The following RAPGEF6 variants were observed in gnomAD, a reference collection of about 807,000 sequenced individuals.
RAPGEF6 encodes Rap guanine nucleotide exchange factor 6.
A neutral mutation model predicts 171.4 loss-of-function variants in RAPGEF6; 56 were observed. The observed-to-expected ratio is 0.33, with a 90% confidence interval of 0.26 to 0.41. The LOEUF is 0.41. RAPGEF6 is among the 10% of genes least tolerant of loss of function. RAPGEF6 has a pLI of 1.00. For missense variants in RAPGEF6, 1,674 were observed against 1,921.4 expected, an observed-to-expected ratio of 0.87 and a Z score of 2.41; for synonymous variants, 692 against 650.1, an observed-to-expected ratio of 1.06 and a Z score of -0.98.
At chr5:131,492,492 C>T in intron 14 of RAPGEF6, 90 bp downstream of exon 14, 1 of 1,315,338 alleles carries the variant, frequency 7.6e-7, no homozygotes, top group Non-Finnish European at 1.1e-6. Flanking sequence ...TTTCCTTAAA[C>T]TGATCATGCT....
chr5:131,544,931 C>T (rs1442620358), intron 6 of RAPGEF6, among the ~76,000 whole-genome samples: 2 of 152,202 alleles, frequency 1.3e-5, no homozygotes, highest in Non-Finnish European at 2.9e-5. Context: ...GATCCGCCTG[C>T]CTCGGCCCCC....
chr5:131,586,329 G>A (rs1258367438), intron 4 of RAPGEF6, among the ~76,000 whole-genome samples: 1 of 152,150 alleles, frequency 6.6e-6, no homozygotes, highest in African/African-American at 2.4e-5. Context: ...AGGAAAATGA[G>A]GAACAGACCT....
chr5:131,475,061 C>T (rs1208213970), intron 16 of RAPGEF6, among the ~76,000 whole-genome samples: 3 of 152,310 alleles, frequency 2.0e-5, no homozygotes, highest in South Asian at 4.1e-4. Context: ...TATTTAACAT[C>T]GCTTCTGCTT....
intron 6 of RAPGEF6, among the ~76,000 whole-genome samples, chr5:131,527,001 GC>G (rs1201682337): frequency 7.9e-5 from 12 of 152,146 alleles, no homozygotes; most frequent in African/African-American, 2.9e-4. Context: ...AATCAGCAAT[GC>G]CAAGCTAGGC....
intron 4 of RAPGEF6, among the ~76,000 whole-genome samples, chr5:131,582,181 C>CTT (rs1763008304): frequency 6.6e-6 from 1 of 152,212 alleles, no homozygotes; most frequent in Non-Finnish European, 1.5e-5. Flanking sequence ...GCAGGTAACA[C>CTT]ATACCACCTG....
rs186391870 is a variant in RAPGEF6, at chr5:131,547,969, A to T, written c.495+78T>A. The T allele has an allele frequency of 7.0e-4, 1,036 of 1,486,828 alleles. 7 individuals are homozygous for T. In the African/African-American group the frequency reaches 0.013, roughly 18 times the overall value. The allele number at this position is 1,486,828 out of a possible 1,614,324, so 92.1% of individuals were successfully genotyped here. ...ATACAGAGCCCAGCATGTTGATATT[A>T]CCAAAGATACATGTAAATTAAAGAT... On this transcript the variant is annotated intron_variant, in intron 6 of 27. Coordinates refer to ENST00000509018, the MANE Select transcript of RAPGEF6 (RefSeq NM_016340.6).
chr5:131,545,066 T>C (rs1268709366), intron 6 of RAPGEF6, among the ~76,000 whole-genome samples: 5 of 152,176 alleles, frequency 3.3e-5, no homozygotes, highest in Admixed American at 2.6e-4. Flanking sequence ...AAAAAAATTG[T>C]TGCAAACTCA....
chr5:131,483,458 A>C (rs781313360), intron 15 of RAPGEF6, among the ~76,000 whole-genome samples: 5 of 152,130 alleles, frequency 3.3e-5, no homozygotes, highest in Non-Finnish European at 4.4e-5. Context: ...TGATTGCGTT[A>C]AATTAAAAAA....
chr5:131,464,529 C>T (rs1754191050), intron 17 of RAPGEF6, among the ~76,000 whole-genome samples: 1 of 151,164 alleles, frequency 6.6e-6, no homozygotes, highest in Non-Finnish European at 1.5e-5. Context: ...GTTTGGAAGC[C>T]AGAATTTTTT....
chr5:131,541,498 T>C (rs1392093735), intron 6 of RAPGEF6, among the ~76,000 whole-genome samples: 1 of 152,122 alleles, frequency 6.6e-6, no homozygotes, highest in Admixed American at 6.5e-5. Context: ...ACTCTCAAGA[T>C]TCTTAATTTT....
chr5:131,623,477 C>CTT (rs763921579), intron 1 of RAPGEF6, among the ~76,000 whole-genome samples: 1,233 of 114,076 alleles, frequency 0.011, 24 homozygotes, highest in African/African-American at 0.022. Context: ...TTTCACATTG[C>CTT]TTTTTTTTTT....
At chr5:131,544,775 C>T (rs528987279) in intron 6 of RAPGEF6, among the ~76,000 whole-genome samples, 6 of 152,278 alleles carry the variant, frequency 3.9e-5, no homozygotes, top group African/African-American at 4.8e-5. Context: ...CTCCACCTTC[C>T]GGGTTCAAGT....
chr5:131,592,269 G>A, intron 4 of RAPGEF6, 114 bp downstream of exon 4: 2 of 1,459,780 alleles, frequency 1.4e-6, no homozygotes, highest in Non-Finnish European at 1.8e-6. Context: ...ATTTCCAATG[G>A]TGCCAACAAG....
chr5:131,453,504 T>C lies in RAPGEF6; in HGVS notation c.3077-327A>G, dbSNP rs954600018. The stretch of plus-strand genomic sequence containing the variant: ...ACTTTGGAAGGCCGAGGCAGGAGGA[T>C]TGCCTGAGCTCAGGAGTTTGAGGCT... On this transcript the variant is annotated intron_variant, in intron 20 of 27. Transcript: ENST00000509018. 4.6e-5 allele frequency among the ~76,000 whole-genome samples: 7 copies of C among 152,028 alleles called. No individual in the cohort carries two copies. In the East Asian group the frequency reaches 5.8e-4, roughly 13 times the overall value.
intron 7 of RAPGEF6, among the ~76,000 whole-genome samples, chr5:131,512,026 T>G (rs1334424551): frequency 6.6e-6 from 1 of 152,068 alleles, no homozygotes; most frequent in Non-Finnish European, 1.5e-5. Context: ...CGCCTTCCTG[T>G]GGCAGAAGAA....
At chr5:131,495,745 A>T (rs1756600741) in intron 12 of RAPGEF6, 85 bp from the exon 13 acceptor site, 1 of 1,491,152 alleles carries the variant, frequency 6.7e-7, no homozygotes, top group Non-Finnish European at 9.0e-7. Context: ...TCTAAAACTC[A>T]TGAAGAACTG....
chr5:131,504,626 C>G lies in RAPGEF6; in HGVS notation c.1254G>C (p.Lys418Asn). 6.3e-7 allele frequency: 1 copy of G among 1,589,294 alleles called. No homozygotes were observed. Among genetic ancestry groups the G allele is most frequent in the Non-Finnish European group, 8.5e-7 (1 of 1,171,850 alleles). Residue 418 changes from lysine to asparagine, a missense_variant and splice_region_variant, in exon 11 of 28, where the codon AAG becomes AAC. Transcript: ENST00000509018. ...TAGAAAAATAAGTAAAAACACCCAC[C>G]TTGATCACAATGTGTCCTTTCCTGG... ...SGTRKGHIVI[K>N]ATPERLIMHL...
chr5:131,554,828 T>A (rs1436166093), intron 5 of RAPGEF6, among the ~76,000 whole-genome samples: 1 of 151,934 alleles, frequency 6.6e-6, no homozygotes, highest in Non-Finnish European at 1.5e-5. Flanking sequence ...AAGTAGGAAT[T>A]TAAAAATAGT....
intron 15 of RAPGEF6, among the ~76,000 whole-genome samples, chr5:131,482,016 A>G (rs893599402): frequency 6.6e-6 from 1 of 152,238 alleles, no homozygotes; most frequent in African/African-American, 2.4e-5. Context: ...AGAAATGGAT[A>G]AAGCCTTAAG....
Sources: gnomAD v4.1 joint callset for allele counts (sites outside exome capture counted in the v4.1 genomes callset) on GRCh38, gnomAD v4.1.1 for gene constraint, MANE v1.5 for transcripts, NCBI Gene and HGNC (gene_info 2026-07-23, HGNC 2026-07-21) for gene names.